The following TSHZ2 variants were observed in gnomAD, a reference collection of about 807,000 sequenced individuals.
TSHZ2 encodes teashirt homolog 2.
Under a neutral mutation model 74.4 loss-of-function variants are expected in TSHZ2, and 21 were observed. That is an observed-to-expected ratio of 0.28 (90% CI 0.20 to 0.41). The LOEUF (loss-of-function observed/expected upper bound fraction) is 0.41. Among genes scored for constraint, TSHZ2 ranks in the 10% least tolerant of loss-of-function variants. TSHZ2 has a pLI of 1.00. For missense variants in TSHZ2, 1,244 were observed against 1,293.5 expected, an observed-to-expected ratio of 0.96 and a Z score of 0.59; for synonymous variants, 540 against 515.3, an observed-to-expected ratio of 1.05 and a Z score of -0.65.
intron 1 of TSHZ2, among the ~76,000 whole-genome samples, chr20:52,990,860 AG>A (rs1193554519): frequency 6.6e-6 from 1 of 152,122 alleles, no homozygotes; most frequent in Non-Finnish European, 1.5e-5. Context: ...TCCTTATAAC[AG>A]GGATGTGTGT....
chr20:53,035,224 T>C (rs1983775947), intron 1 of TSHZ2, among the ~76,000 whole-genome samples: 1 of 152,202 alleles, frequency 6.6e-6, no homozygotes, highest in Non-Finnish European at 1.5e-5. Flanking sequence ...TGTGATTTGC[T>C]GCTGGGTGCC....
intron 1 of TSHZ2, among the ~76,000 whole-genome samples, chr20:53,210,718 T>G (rs1216662772): frequency 1.3e-5 from 2 of 151,822 alleles, no homozygotes; most frequent in Non-Finnish European, 2.9e-5. Flanking sequence ...TCTTCAGGCT[T>G]GATGGGGGGG....
intron 2 of TSHZ2, among the ~76,000 whole-genome samples, chr20:53,342,360 A>C (rs1394147633): frequency 1.4e-5 from 2 of 143,216 alleles, no homozygotes; most frequent in African/African-American, 2.6e-5. Context: ...GGTCAGGTAT[A>C]CTGTAGTATC....
intron 2 of TSHZ2, among the ~76,000 whole-genome samples, chr20:53,375,384 G>A (rs1416519707): frequency 6.6e-6 from 1 of 152,164 alleles, no homozygotes; most frequent in Non-Finnish European, 1.5e-5. Context: ...CGACAAACCA[G>A]CATAAATGAG....
chr20:52,999,005 A>G (rs528391272), intron 1 of TSHZ2, among the ~76,000 whole-genome samples: 29 of 152,322 alleles, frequency 1.9e-4, no homozygotes, highest in African/African-American at 7.0e-4. Context: ...TCCTCACAAC[A>G]TTTTATAAAT....
chr20:53,116,430 A>G (rs917298796), intron 1 of TSHZ2, among the ~76,000 whole-genome samples: 7 of 151,872 alleles, frequency 4.6e-5, no homozygotes, highest in African/African-American at 1.5e-4. Context: ...TGTCTTCCTT[A>G]CTCTCCTGAC....
At chr20:53,430,234 A>C (rs1455361372) in intron 2 of TSHZ2, among the ~76,000 whole-genome samples, 1 of 151,872 alleles carries the variant, frequency 6.6e-6, no homozygotes, top group Non-Finnish European at 1.5e-5. Flanking sequence ...CCTCCCGAGA[A>C]GCTGGGACTA....
chr20:53,282,172 A>G (rs552685406), intron 2 of TSHZ2, among the ~76,000 whole-genome samples: 1 of 152,356 alleles, frequency 6.6e-6, no homozygotes, highest in East Asian at 1.9e-4. Flanking sequence ...GAATAAAGGT[A>G]GACTCTCCAC....
chr20:53,432,839 G>A (rs1377576974), intron 2 of TSHZ2, among the ~76,000 whole-genome samples: 1 of 152,180 alleles, frequency 6.6e-6, no homozygotes, highest in East Asian at 1.9e-4. Context: ...TTTACTTATA[G>A]TGATTTGAAT....
At chr20:53,233,798 A>T (rs1035128241) in intron 1 of TSHZ2, among the ~76,000 whole-genome samples, 1 of 152,228 alleles carries the variant, frequency 6.6e-6, no homozygotes, top group Non-Finnish European at 1.5e-5. Context: ...TACTAACAAA[A>T]AAAGAAGAGT....
At chr20:53,059,500 C>T (rs945670015) in intron 1 of TSHZ2, among the ~76,000 whole-genome samples, 3 of 152,162 alleles carry the variant, frequency 2.0e-5, no homozygotes, top group African/African-American at 7.2e-5. Context: ...AAATGAAAAT[C>T]TGTATCGATA....
intron 2 of TSHZ2, among the ~76,000 whole-genome samples, chr20:53,453,736 ATCT>A (rs1290303545): frequency 2.0e-5 from 3 of 152,198 alleles, no homozygotes; most frequent in Non-Finnish European, 2.9e-5. Context: ...CTTGTAGGAA[ATCT>A]TCTTGATTTT....
intron 1 of TSHZ2, among the ~76,000 whole-genome samples, chr20:53,221,720 A>G (rs1989562947): frequency 1.3e-5 from 2 of 152,222 alleles, no homozygotes; most frequent in Admixed American, 1.3e-4. Flanking sequence ...AACGTGTTTG[A>G]GAGCAATATT....
intron 1 of TSHZ2, among the ~76,000 whole-genome samples, chr20:53,019,648 A>G (rs1369868924): frequency 6.6e-6 from 1 of 152,068 alleles, no homozygotes; most frequent in Non-Finnish European, 1.5e-5. Flanking sequence ...AGTGGTGAAT[A>G]TATATTCCAC....
chr20:52,992,935 G>A (rs1278352597), intron 1 of TSHZ2, among the ~76,000 whole-genome samples: 2 of 152,166 alleles, frequency 1.3e-5, no homozygotes, highest in South Asian at 2.1e-4. Context: ...TATCATCTCA[G>A]GAGAAGAATA....
At chr20:53,231,102 C>T (rs1989815769) in intron 1 of TSHZ2, among the ~76,000 whole-genome samples, 3 of 152,176 alleles carry the variant, frequency 2.0e-5, no homozygotes, top group Non-Finnish European at 4.4e-5. Context: ...TTTGTCTCCA[C>T]TGTCAGTGTA....
intron 2 of TSHZ2, chr20:53,399,535 A>T (rs1002760014): frequency 6.6e-6 from 1 of 152,268 alleles, no homozygotes; most frequent in Non-Finnish European, 1.5e-5. Flanking sequence ...CTCGGAAGGC[A>T]TTCGTCATCC....
At chr20:53,312,020 G>A (rs1420736109) in intron 2 of TSHZ2, among the ~76,000 whole-genome samples, 1 of 152,112 alleles carries the variant, frequency 6.6e-6, no homozygotes, top group Non-Finnish European at 1.5e-5. Flanking sequence ...AGTTGAGGCT[G>A]CAGTGAACTA....
intron 2 of TSHZ2, among the ~76,000 whole-genome samples, chr20:53,268,999 C>T (rs929241716): frequency 1.3e-5 from 2 of 151,700 alleles, no homozygotes; most frequent in Non-Finnish European, 2.9e-5. Context: ...TCAGTGATGC[C>T]GTGAGGTCTT....
Sources: gnomAD v4.1 joint callset for allele counts (sites outside exome capture counted in the v4.1 genomes callset) on GRCh38, gnomAD v4.1.1 for gene constraint, MANE v1.5 for transcripts, NCBI Gene and HGNC (gene_info 2026-07-23, HGNC 2026-07-21) for gene names.